Variants in CADPS observed in about 807,000 individuals in gnomAD.
CADPS encodes calcium dependent secretion activator.
CADPS carries 57 observed loss-of-function variants against 167.3 expected under a neutral mutation model. That is an observed-to-expected ratio of 0.34 (90% CI 0.28 to 0.42). The LOEUF (loss-of-function observed/expected upper bound fraction) is 0.42, where lower values mean the gene tolerates loss of function less well. Among genes scored for constraint, CADPS ranks in the 20% least tolerant of loss-of-function variants. The pLI is 1.00. For synonymous variants in CADPS, 676 were observed against 635.3 expected, an observed-to-expected ratio of 1.06 and a Z score of -0.96; for missense variants, 1,414 against 1,738.1, an observed-to-expected ratio of 0.81 and a Z score of 3.32.
intron 27 of CADPS, chr3:62,440,187 T>C (rs2056017593): frequency 6.6e-6 from 1 of 152,222 alleles, no homozygotes; most frequent in African/African-American, 2.4e-5. Flanking sequence ...ATTTGCTGAA[T>C]GGACAAATTC....
chr3:62,866,231 C>G (rs1411092889), intron 1 of CADPS, among the ~76,000 whole-genome samples: 2 of 152,000 alleles, frequency 1.3e-5, no homozygotes, highest in Non-Finnish European at 2.9e-5. Context: ...TGTAACATAA[C>G]TTATTTTGAA....
At chr3:62,732,230 G>A (rs536602812) in intron 3 of CADPS, among the ~76,000 whole-genome samples, 10 of 152,288 alleles carry the variant, frequency 6.6e-5, no homozygotes, top group East Asian at 1.9e-4. Context: ...AGCAAAAGCC[G>A]TGGAATGTCA....
At chr3:62,566,998 T>C (rs1417860930) in intron 9 of CADPS, among the ~76,000 whole-genome samples, 1 of 152,212 alleles carries the variant, frequency 6.6e-6, no homozygotes, top group African/African-American at 2.4e-5. Flanking sequence ...GCTTGCTTTT[T>C]AGCTGCTGTG....
chr3:62,508,983 C>T (rs978291754), intron 17 of CADPS, among the ~76,000 whole-genome samples: 1 of 151,774 alleles, frequency 6.6e-6, no homozygotes, highest in Non-Finnish European at 1.5e-5. Context: ...GGCTTGGAAA[C>T]CCTGATTTAT....
chr3:62,518,474 A>G (rs1397004057), intron 13 of CADPS, among the ~76,000 whole-genome samples: 1 of 152,194 alleles, frequency 6.6e-6, no homozygotes, highest in Non-Finnish European at 1.5e-5. Context: ...TTCTTGTGAA[A>G]TGGTAAAATG....
intron 24 of CADPS, chr3:62,470,520 T>C (rs149712389): frequency 1.3e-5 from 2 of 152,380 alleles, no homozygotes; most frequent in Non-Finnish European, 2.9e-5. Context: ...AACATTTCCA[T>C]ATGACTTTCC....
chr3:62,612,160 C>G (rs1336354686), intron 6 of CADPS, among the ~76,000 whole-genome samples: 3 of 152,150 alleles, frequency 2.0e-5, no homozygotes, highest in African/African-American at 4.8e-5. Context: ...ATGGGAATCT[C>G]TTCTTTGCCA....
intron 1 of CADPS, among the ~76,000 whole-genome samples, chr3:62,858,527 G>A (rs2080139028): frequency 6.6e-6 from 1 of 152,090 alleles, no homozygotes; most frequent in Non-Finnish European, 1.5e-5. Flanking sequence ...AGCTGGGAAT[G>A]GGGTATAATT....
intron 28 of CADPS, among the ~76,000 whole-genome samples, chr3:62,414,346 C>A (rs867227764): frequency 2.6e-5 from 4 of 152,216 alleles, no homozygotes; most frequent in Non-Finnish European, 5.9e-5. Context: ...CCCACCACAA[C>A]AGACTTATTA....
intron 1 of CADPS, among the ~76,000 whole-genome samples, chr3:62,790,259 ATC>A (rs772534980): frequency 5.1e-4 from 77 of 152,276 alleles, no homozygotes; most frequent in Admixed American, 1.4e-3. Flanking sequence ...TTATAGTAGT[ATC>A]TCTGAATAAC....
At chr3:62,770,824 C>G (rs1191274358) in intron 1 of CADPS, among the ~76,000 whole-genome samples, 1 of 152,170 alleles carries the variant, frequency 6.6e-6, no homozygotes, top group East Asian at 1.9e-4. Context: ...TGGATATTCC[C>G]AAAGTCATTG....
At chr3:62,836,068 G>A (rs1395677005) in intron 1 of CADPS, among the ~76,000 whole-genome samples, 4 of 151,952 alleles carry the variant, frequency 2.6e-5, no homozygotes, top group Admixed American at 2.0e-4. Flanking sequence ...GGTTAATCCA[G>A]TGTTTCCTAA....
intron 1 of CADPS, among the ~76,000 whole-genome samples, chr3:62,788,038 A>G (rs1429007295): frequency 6.6e-6 from 1 of 152,198 alleles, no homozygotes; most frequent in East Asian, 1.9e-4. Flanking sequence ...AGTTGTATAA[A>G]AAATGTCATA....
intron 26 of CADPS, among the ~76,000 whole-genome samples, chr3:62,448,889 C>T (rs1441390349): frequency 1.3e-5 from 2 of 152,148 alleles, no homozygotes; most frequent in Non-Finnish European, 2.9e-5. Context: ...GCTGGGATTA[C>T]AGGCGTGAGC....
At chr3:62,775,756 T>C (rs1047113561) in intron 1 of CADPS, among the ~76,000 whole-genome samples, 5 of 152,200 alleles carry the variant, frequency 3.3e-5, no homozygotes, top group Admixed American at 2.6e-4. Context: ...ACAACTGTTG[T>C]CCTTCCTCGT....
intron 6 of CADPS, among the ~76,000 whole-genome samples, chr3:62,606,835 C>T (rs1482797165): frequency 6.6e-6 from 1 of 152,166 alleles, no homozygotes; most frequent in Non-Finnish European, 1.5e-5. Context: ...CAGCCTGGAT[C>T]CCAGAATGAA....
chr3:62,741,895 G>T (rs770806611), intron 3 of CADPS, among the ~76,000 whole-genome samples: 1 of 152,132 alleles, frequency 6.6e-6, no homozygotes, highest in Non-Finnish European at 1.5e-5. Context: ...CAGCCCAGAA[G>T]TTTCTTAAGC....
rs760662640 is a variant in CADPS at position 62,478,306 on chromosome 3, C to T, written c.3284G>A (p.Arg1095Gln). 2 of 1,613,876 alleles carry T rather than the reference C, an allele frequency of 1.2e-6. No homozygotes were observed. The highest frequency in any genetic ancestry group is 1.1e-5 in the South Asian group (1 of 91,076). The change falls in exon 23 of 30, where the codon CGG becomes CAG. Residue 1095 changes from arginine to glutamine, a missense_variant. Arg to Gln is a conservative substitution (Grantham distance 43). Coordinates refer to ENST00000383710, the MANE Select transcript of CADPS (RefSeq NM_003716.4). The surrounding 1 kb of genome is among the most constrained non-coding windows in gnomAD (Gnocchi z 5.7). ...CATGTCACTTGCCATCAACTTCAGC[C>T]GTTGTTCCAGGTGCTTTCCAAACTC... ...EEEFGKHLEQ[R>Q]LKLMASDMIE...
At position 62,474,170 on chromosome 3, in the gene CADPS, T is replaced by TTTTTTTTTTTTAAA; in HGVS notation, c.3477+2_3477+3insTTTAAAAAAAAAAA. On this transcript the variant is annotated splice_region_variant and intron_variant, in intron 24 of 29. Coordinates refer to ENST00000383710, the MANE Select transcript of CADPS (RefSeq NM_003716.4). ...AAATCTGTATTTTTTTTTTTTTTTT[T>TTTTTTTTTTTTAAA]ACCTCTTGGCCCATTTCCATGCTGC... The TTTTTTTTTTTTAAA allele has an allele frequency of 2.0e-6, 3 of 1,475,400 alleles. No individual in the cohort carries two copies. Among genetic ancestry groups the TTTTTTTTTTTTAAA allele is most frequent in the Non-Finnish European group, 2.7e-6 (3 of 1,105,888 alleles). 91.4% of individuals were successfully genotyped at this position (1,475,400 alleles called of 1,614,324 possible). A position where few individuals can be genotyped will look rare whatever the true frequency, so the allele number is the denominator to read the frequency against.
Sources: gnomAD v4.1 joint callset for allele counts (sites outside exome capture counted in the v4.1 genomes callset) on GRCh38, gnomAD v4.1.1 for gene constraint, Gnocchi (gnomAD v3.1) non-coding constraint, MANE v1.5 for transcripts, NCBI Gene and HGNC (gene_info 2026-07-23, HGNC 2026-07-21) for gene names.